CSMD1: variants seen among roughly 807,000 people sequenced by gnomAD.
The protein encoded by CSMD1 is CUB and sushi domain-containing protein 1.
A neutral mutation model predicts 417.5 loss-of-function variants in CSMD1; 213 were observed. The observed-to-expected ratio is 0.51, with a 90% CI of 0.46 to 0.57. The LOEUF (loss-of-function observed/expected upper bound fraction) is 0.57, where lower values mean the gene tolerates loss of function less well. Among genes scored for constraint, CSMD1 ranks in the 20% least tolerant of loss-of-function variants. The pLI is 0.00. For missense variants in CSMD1, 6,923 were observed against 4,529.7 expected, an observed-to-expected ratio of 1.53 and a Z score of -15.17; for synonymous variants, 2,862 against 1,736.8, an observed-to-expected ratio of 1.65 and a Z score of -16.11.
intron 2 of CSMD1, among the ~76,000 whole-genome samples, chr8:4,627,978 C>G (rs911952878): frequency 7.0e-6 from 1 of 143,236 alleles, no homozygotes; most frequent in Non-Finnish European, 1.5e-5. Context: ...GAGCAACTAT[C>G]TCCCCACTGT....
intron 3 of CSMD1, among the ~76,000 whole-genome samples, chr8:4,309,567 A>T (rs1585204685): frequency 6.6e-6 from 1 of 152,182 alleles, no homozygotes; most frequent in East Asian, 1.9e-4. Flanking sequence ...TCAAGCAGCC[A>T]AACTCTCAGT....
At chr8:4,407,585 CACTT>C (rs974941917) in intron 3 of CSMD1, among the ~76,000 whole-genome samples, 1 of 152,110 alleles carries the variant, frequency 6.6e-6, no homozygotes, top group African/African-American at 2.4e-5. Context: ...AATGATACCT[CACTT>C]AAATTTCTAG....
In CSMD1 at chr8:3,637,198, C is replaced by T. The variant is rs962752445; in HGVS notation, c.1010-20401G>A. On this transcript the variant is annotated intron_variant, in intron 7 of 69. Transcript: ENST00000635120. The stretch of plus-strand genomic sequence containing the variant: ...ACAATTGTTTAACACAGTTTTTAAG[C>T]TGTGTGACATATTCTAACTTTTACT... Among the ~76,000 whole-genome samples the T allele has an allele frequency of 2.6e-5, 4 of 152,186 alleles. No individual in the cohort carries two copies. In the East Asian group the frequency reaches 7.7e-4, roughly 29 times the overall value.
At chr8:4,400,448 C>A (rs1297431245) in intron 3 of CSMD1, among the ~76,000 whole-genome samples, 1 of 152,204 alleles carries the variant, frequency 6.6e-6, no homozygotes, top group Admixed American at 6.5e-5. Context: ...ATGCAGACAT[C>A]GAGATTCATT....
intron 1 of CSMD1, among the ~76,000 whole-genome samples, chr8:4,883,220 C>G (rs1367978041): frequency 6.6e-6 from 1 of 151,988 alleles, no homozygotes; most frequent in African/African-American, 2.4e-5. Context: ...ACCAGAGCAA[C>G]ATGGTTGATT....
intron 1 of CSMD1, among the ~76,000 whole-genome samples, chr8:4,938,528 A>T (rs1184920782): frequency 6.6e-6 from 1 of 152,190 alleles, no homozygotes; most frequent in Non-Finnish European, 1.5e-5. Context: ...CTACCCAGAC[A>T]CTGTGCTGAG....
rs146035146 is a variant in CSMD1, at chr8:3,866,416, A to T, written c.819-112374T>A. On this transcript the variant is annotated intron_variant, in intron 5 of 69. Coordinates refer to ENST00000635120, the MANE Select transcript of CSMD1 (RefSeq NM_033225.6). ...TTAGCTCATATGGTTTAGTAAATGG[A>T]AGCGTTTCCAATTTGATTACCTGAT... Among the ~76,000 whole-genome samples, 278 of 152,312 alleles carry T rather than the reference A, an allele frequency of 1.8e-3. 1 individual carries two copies. Among genetic ancestry groups the T allele is most frequent in the Non-Finnish European group, 1.7e-3 (114 of 68,022 alleles).
At chr8:3,566,124 G>T (rs1259715196) in intron 10 of CSMD1, among the ~76,000 whole-genome samples, 1 of 151,970 alleles carries the variant, frequency 6.6e-6, no homozygotes, top group East Asian at 1.9e-4. Context: ...GAAGGAGAGG[G>T]AAAAGATGGA....
At chr8:3,473,935 G>A (rs1174779299) in intron 11 of CSMD1, among the ~76,000 whole-genome samples, 1 of 152,150 alleles carries the variant, frequency 6.6e-6, no homozygotes, top group Non-Finnish European at 1.5e-5. Flanking sequence ...CAGGAGGAGA[G>A]AGCATGTGAG....
chr8:4,984,822 C>A (rs73497791), intron 1 of CSMD1, among the ~76,000 whole-genome samples: 9,346 of 152,234 alleles, frequency 0.061, 317 homozygotes, highest in African/African-American at 0.073. Flanking sequence ...TTGGGCTGAC[C>A]TGTTCTAACT....
At chr8:3,209,409 C>A (rs544345527) in intron 30 of CSMD1, among the ~76,000 whole-genome samples, 7 of 151,954 alleles carry the variant, frequency 4.6e-5, no homozygotes, top group African/African-American at 1.7e-4. Flanking sequence ...TTCCATCTCC[C>A]GGGTTCATGC....
At chr8:3,765,870 G>A (rs1463242542) in intron 5 of CSMD1, among the ~76,000 whole-genome samples, 1 of 152,224 alleles carries the variant, frequency 6.6e-6, no homozygotes, top group Non-Finnish European at 1.5e-5. Flanking sequence ...GAGGATGACA[G>A]CACTTGTGAG....
intron 3 of CSMD1, among the ~76,000 whole-genome samples, chr8:4,289,954 G>C (rs571910344): frequency 1.3e-5 from 2 of 152,210 alleles, no homozygotes; most frequent in Non-Finnish European, 2.9e-5. Flanking sequence ...CTCTTCTTGA[G>C]AGGAGACTCA....
intron 1 of CSMD1, among the ~76,000 whole-genome samples, chr8:4,711,019 G>A (rs776627336): frequency 6.6e-6 from 1 of 151,886 alleles, no homozygotes; most frequent in East Asian, 1.9e-4. Context: ...ATGTGCCCAG[G>A]CCTTTTCTAG....
At chr8:3,606,615 A>G (rs1377984202) in intron 8 of CSMD1, among the ~76,000 whole-genome samples, 1 of 152,078 alleles carries the variant, frequency 6.6e-6, no homozygotes, top group Non-Finnish European at 1.5e-5. Context: ...TAGACCTTAG[A>G]AACACTGTAT....
chr8:4,427,136 G>C (rs1434997053), intron 2 of CSMD1, among the ~76,000 whole-genome samples: 3 of 151,010 alleles, frequency 2.0e-5, no homozygotes, highest in Admixed American at 6.6e-5. Context: ...TCTCCTGCCA[G>C]GTAGGGGTGG....
chr8:4,451,320 A>T (rs1386268405), intron 2 of CSMD1, among the ~76,000 whole-genome samples: 2 of 152,220 alleles, frequency 1.3e-5, no homozygotes, highest in Non-Finnish European at 2.9e-5. Context: ...GCACCACTCC[A>T]GCCTGGGCAA....
intron 2 of CSMD1, among the ~76,000 whole-genome samples, chr8:4,545,332 C>A (rs930576013): frequency 1.3e-5 from 2 of 152,182 alleles, no homozygotes; most frequent in South Asian, 2.1e-4. Context: ...AAAAGCCCTT[C>A]ATAAATATTT....
chr8:3,574,820 G>A (rs930158079), intron 10 of CSMD1, 125 bp downstream of exon 10: 9 of 1,129,244 alleles, frequency 8.0e-6, no homozygotes, highest in African/African-American at 4.7e-5. Flanking sequence ...GGATGCAGCT[G>A]GAACTTTTAA....
Sources: allele counts gnomAD v4.1 joint callset (sites outside exome capture counted in the v4.1 genomes callset), GRCh38; gene constraint gnomAD v4.1.1; transcripts MANE v1.5; gene names NCBI Gene and HGNC (gene_info 2026-07-23, HGNC 2026-07-21).